Variants in GALNTL6 observed in about 807,000 individuals in gnomAD.
GALNTL6 encodes the protein polypeptide N-acetylgalactosaminyltransferase-like 6.
GALNTL6 carries 46 observed loss-of-function variants against 73.7 expected under a neutral mutation model. The ratio of observed to expected loss-of-function variants is 0.62; its 90% CI spans 0.49 to 0.80. The LOEUF (loss-of-function observed/expected upper bound fraction) is 0.80, where lower values mean the gene tolerates loss of function less well. Among genes scored for constraint, GALNTL6 ranks in the 30% least tolerant of loss-of-function variants. The probability of loss-of-function intolerance (pLI) is 0.00; values close to 1 mark genes in which losing one functional copy is unlikely to be tolerated. For missense variants in GALNTL6, 604 were observed against 755.0 expected (o/e 0.80, Z 2.34); for synonymous variants, 259 against 263.7 (o/e 0.98, Z 0.17).
intron 4 of GALNTL6, among the ~76,000 whole-genome samples, chr4:172,340,798 A>G (rs948567694): frequency 4.6e-5 from 7 of 152,162 alleles, no homozygotes; most frequent in African/African-American, 1.7e-4. Context: ...TTTACCCTAT[A>G]TGAATGATAG....
At chr4:172,104,165 G>C (rs1732608278) in intron 2 of GALNTL6, among the ~76,000 whole-genome samples, 1 of 151,924 alleles carries the variant, frequency 6.6e-6, no homozygotes, top group African/African-American at 2.4e-5. Flanking sequence ...GGATTGTCTC[G>C]GTCTCCTGAC....
intron 5 of GALNTL6, among the ~76,000 whole-genome samples, chr4:172,486,336 G>A (rs1733666183): frequency 6.6e-6 from 1 of 152,146 alleles, no homozygotes; most frequent in African/African-American, 2.4e-5. Flanking sequence ...AAGTTGTTGG[G>A]TCTCTATTAG....
At chr4:172,925,647 T>G (rs1748022323) in intron 8 of GALNTL6, among the ~76,000 whole-genome samples, 1 of 152,084 alleles carries the variant, frequency 6.6e-6, no homozygotes, top group Non-Finnish European at 1.5e-5. Context: ...ATCAAGAAAA[T>G]GGGGATCTCA....
chr4:172,327,916 G>T (rs1218464426), intron 4 of GALNTL6, among the ~76,000 whole-genome samples: 4 of 152,044 alleles, frequency 2.6e-5, no homozygotes, highest in African/African-American at 9.7e-5. Context: ...GTGTCGATAT[G>T]ATTCTCATTT....
chr4:171,824,179 T>G (rs960664749), intron 2 of GALNTL6, among the ~76,000 whole-genome samples: 4 of 150,458 alleles, frequency 2.7e-5, no homozygotes, highest in African/African-American at 9.8e-5. Flanking sequence ...AGTACAGGGA[T>G]TTTTCTATCA....
At chr4:172,036,501 C>T (rs535842121) in intron 2 of GALNTL6, among the ~76,000 whole-genome samples, 1 of 152,068 alleles carries the variant, frequency 6.6e-6, no homozygotes, top group East Asian at 1.9e-4. Flanking sequence ...TAGCATAATA[C>T]CATTAGATTG....
intron 3 of GALNTL6, among the ~76,000 whole-genome samples, chr4:172,311,247 C>G (rs1269999656): frequency 6.6e-6 from 1 of 151,996 alleles, no homozygotes; most frequent in African/African-American, 2.4e-5. Context: ...AATTGGAATA[C>G]AATCAAATAA....
At chr4:173,017,997 A>G (rs979549114) in intron 11 of GALNTL6, among the ~76,000 whole-genome samples, 4 of 152,188 alleles carry the variant, frequency 2.6e-5, no homozygotes, top group African/African-American at 9.7e-5. Context: ...GATTTTCCCT[A>G]ACTGACTCAT....
chr4:171,982,403 T>C lies in GALNTL6; in HGVS notation c.138+167685T>C, dbSNP rs1304871304. 5.3e-5 allele frequency among the ~76,000 whole-genome samples: 8 copies of C among 152,066 alleles called. No individual in the cohort carries two copies. The East Asian group carries it at 1.6e-3, about 30-fold the overall frequency. On this transcript the variant is annotated intron_variant, in intron 2 of 12. Coordinates refer to ENST00000506823, the MANE Select transcript of GALNTL6 (RefSeq NM_001034845.3). ...AGCTCTGCCTCCTGGGTTCACGTCA[T>C]TCTCCTGCTTCAGCCTCCCCAGTAG...
chr4:171,926,617 T>C (rs901544838), intron 2 of GALNTL6, among the ~76,000 whole-genome samples: 3 of 152,154 alleles, frequency 2.0e-5, no homozygotes, highest in African/African-American at 7.2e-5. Context: ...CTAGCATTTG[T>C]TATTTAAAAA....
At chr4:172,270,171 C>CTGTG (rs758294136) in intron 3 of GALNTL6, among the ~76,000 whole-genome samples, 18,774 of 150,280 alleles carry the variant, frequency 0.12, 1,223 homozygotes, top group East Asian at 0.29. Flanking sequence ...TCTCTGTCCA[C>CTGTG]TGTGTGTGTG....
intron 2 of GALNTL6, among the ~76,000 whole-genome samples, chr4:172,062,437 A>T (rs915700046): frequency 6.6e-6 from 1 of 152,216 alleles, no homozygotes; most frequent in African/African-American, 2.4e-5. Flanking sequence ...ATATTTTTAT[A>T]AGACTGCTGT....
chr4:172,901,323 G>C (rs1239808840), intron 8 of GALNTL6, among the ~76,000 whole-genome samples: 1 of 151,960 alleles, frequency 6.6e-6, no homozygotes, highest in Non-Finnish European at 1.5e-5. Flanking sequence ...GTGTGTAAAA[G>C]GAATCAAAAG....
intron 2 of GALNTL6, among the ~76,000 whole-genome samples, chr4:172,115,974 A>G (rs571513494): frequency 6.6e-6 from 1 of 152,204 alleles, no homozygotes; most frequent in South Asian, 2.1e-4. Context: ...TGAATAAAAT[A>G]TACAAATTAT....
In GALNTL6 at chr4:171,988,184, C is replaced by T. The variant is rs181385828; in HGVS notation, c.138+173466C>T. Among the ~76,000 whole-genome samples the T allele has an allele frequency of 8.7e-3, 1,328 of 152,298 alleles. 10 individuals carry two copies. Among genetic ancestry groups the T allele is most frequent in the African/African-American group, 0.024 (1,014 of 41,552 alleles). The stretch of plus-strand genomic sequence containing the variant: ...GTTTGGACAGAAAGGCTACAGGGTG[C>T]AGTCCTGGCTCTTGTGTAAGAATTC... On this transcript the variant is annotated intron_variant, in intron 2 of 12. Transcript: ENST00000506823.
chr4:172,847,098 G>A (rs1266850414), intron 7 of GALNTL6, among the ~76,000 whole-genome samples: 5 of 152,094 alleles, frequency 3.3e-5, no homozygotes, highest in Non-Finnish European at 7.3e-5. Context: ...CAATAAAAAA[G>A]CGATTACATT....
chr4:172,648,228 C>T lies in GALNTL6; in HGVS notation c.554-161133C>T, dbSNP rs115629625. On this transcript the variant is annotated intron_variant, in intron 5 of 12. Coordinates refer to ENST00000506823, the MANE Select transcript of GALNTL6 (RefSeq NM_001034845.3). ...AGTGAGATTGTTGCTCACTGACTGA[C>T]GTTTGGAAGCCAAAGACTTAACTCA... Among the ~76,000 whole-genome samples the T allele has an allele frequency of 6.8e-3, 1,033 of 152,160 alleles. 10 individuals are homozygous for T. Among genetic ancestry groups the T allele is most frequent in the African/African-American group, 0.024 (991 of 41,506 alleles).
At chr4:172,345,555 C>G (rs985089222) in intron 4 of GALNTL6, among the ~76,000 whole-genome samples, 1 of 152,150 alleles carries the variant, frequency 6.6e-6, no homozygotes, top group Non-Finnish European at 1.5e-5. Flanking sequence ...GCCTTCCTAA[C>G]TGAACATAAA....
intron 5 of GALNTL6, among the ~76,000 whole-genome samples, chr4:172,582,464 G>T (rs1053990798): frequency 2.6e-5 from 4 of 152,036 alleles, no homozygotes; most frequent in African/African-American, 9.7e-5. Context: ...TGGTATCCAT[G>T]GGTTCCACAT....
Sources: allele counts gnomAD v4.1 joint callset (sites outside exome capture counted in the v4.1 genomes callset), GRCh38; gene constraint gnomAD v4.1.1; transcripts MANE v1.5; gene names NCBI Gene and HGNC (gene_info 2026-07-23, HGNC 2026-07-21).